The following TTC23 variants were observed in gnomAD, a reference collection of about 807,000 sequenced individuals.
TTC23 encodes tetratricopeptide repeat domain 23.
A neutral mutation model predicts 55.1 loss-of-function variants in TTC23; 58 were observed. The ratio of observed to expected loss-of-function variants is 1.05; its 90% CI spans 0.85 to 1.31. TTC23 has a LOEUF of 1.31. Among genes scored for constraint, TTC23 ranks in the 50% most tolerant of loss-of-function variants. The pLI is 0.00. For missense variants in TTC23, 516 were observed against 534.4 expected (o/e 0.97, Z 0.34); for synonymous variants, 203 against 199.9 (o/e 1.02, Z -0.13).
chr15:99,138,046 CAGGGTGTCCTG>C lies in TTC23; in HGVS notation c.1297_1307del (p.Gln433AlafsTer17). 1 of 1,614,104 alleles carries C rather than the reference CAGGGTGTCCTG, an allele frequency of 6.2e-7. No individual in the cohort carries two copies. The highest frequency in any genetic ancestry group is 1.1e-5 in the South Asian group (1 of 91,082). ...TTGTGCCGGGCCGGGCCTTCCCCAG[CAGGGTGTCCTG>C]AGGGATGCTGGTGCAGAAGGCCACT... is the stretch of plus-strand genomic sequence containing the variant. On this transcript the variant is annotated frameshift_variant, in exon 14 of 14. Transcript: ENST00000394132. LOFTEE classifies it high-confidence loss of function.
At chr15:99,209,191 T>A (rs138785407) in intron 8 of TTC23, among the ~76,000 whole-genome samples, 11 of 152,348 alleles carry the variant, frequency 7.2e-5, no homozygotes, top group Non-Finnish European at 1.5e-4. Flanking sequence ...AAATGCAATT[T>A]CTGGTATTAC....
intron 12 of TTC23, chr15:99,141,052 T>C (rs1466081461): frequency 7.2e-5 from 11 of 152,276 alleles, no homozygotes; most frequent in African/African-American, 2.6e-4. Flanking sequence ...AGGTACCATT[T>C]CACCCACCAG....
intron 10 of TTC23, among the ~76,000 whole-genome samples, chr15:99,162,486 A>G (rs1048803482): frequency 6.6e-6 from 1 of 152,228 alleles, no homozygotes; most frequent in African/African-American, 2.4e-5. Context: ...TAAAAGCCAG[A>G]GAAGTGAGCG....
intron 12 of TTC23, among the ~76,000 whole-genome samples, chr15:99,153,758 G>A (rs1161478364): frequency 6.6e-6 from 1 of 152,016 alleles, no homozygotes; most frequent in Non-Finnish European, 1.5e-5. Context: ...AAATAATAAA[G>A]ATAAAATCAG....
intron 9 of TTC23, among the ~76,000 whole-genome samples, chr15:99,181,142 G>A (rs1167316940): frequency 6.6e-6 from 1 of 152,240 alleles, no homozygotes; most frequent in Non-Finnish European, 1.5e-5. Context: ...CAGCAGAACA[G>A]AGACTCAGAC....
chr15:99,211,387 CA>C (rs546455317), intron 8 of TTC23, among the ~76,000 whole-genome samples: 6 of 149,428 alleles, frequency 4.0e-5, no homozygotes, highest in Admixed American at 6.7e-5. Flanking sequence ...AACAAACAAA[CA>C]AAAAAAAAGA....
chr15:99,245,924 C>A (rs964744601), intron 1 of TTC23, among the ~76,000 whole-genome samples: 2 of 151,508 alleles, frequency 1.3e-5, no homozygotes, highest in Non-Finnish European at 2.9e-5. Flanking sequence ...CCTGACTCAG[C>A]CTCCCTGACT....
chr15:99,159,413 T>C (rs1189603159), intron 11 of TTC23: 1 of 152,256 alleles, frequency 6.6e-6, no homozygotes, highest in Admixed American at 6.5e-5. Context: ...TACTTACAAA[T>C]ATTTGATGAC....
chr15:99,183,837 C>A (rs2074405401), intron 9 of TTC23, among the ~76,000 whole-genome samples: 1 of 152,190 alleles, frequency 6.6e-6, no homozygotes, highest in Non-Finnish European at 1.5e-5. Context: ...GTCTCCAGGG[C>A]ATGCCAGAGA....
intron 9 of TTC23, among the ~76,000 whole-genome samples, chr15:99,196,019 G>A (rs1227800590): frequency 1.3e-5 from 2 of 151,858 alleles, no homozygotes; most frequent in East Asian, 3.9e-4. Context: ...GGGCATGGTG[G>A]CACACGCCTG....
At chr15:99,183,787 C>G (rs1205404848) in intron 9 of TTC23, among the ~76,000 whole-genome samples, 2 of 152,088 alleles carry the variant, frequency 1.3e-5, no homozygotes, top group African/African-American at 2.4e-5. Context: ...GCATAAGTAA[C>G]GAGGAGCTGA....
chr15:99,233,499 C>G (rs2079083419), intron 4 of TTC23, among the ~76,000 whole-genome samples: 1 of 152,138 alleles, frequency 6.6e-6, no homozygotes, highest in African/African-American at 2.4e-5. Flanking sequence ...ACTGTATGAT[C>G]TCACTCAACA....
At position 99,218,573 on chromosome 15, in the gene TTC23, A is replaced by G; in HGVS notation, c.581+15T>C. 1 of 1,614,058 alleles carries G rather than the reference A, an allele frequency of 6.2e-7. No individual in the cohort carries two copies. Among genetic ancestry groups the G allele is most frequent in the Non-Finnish European group, 8.5e-7 (1 of 1,179,986 alleles). ...CCCGCCATCATGTATGCAAAATCCT[A>G]AACTTGAAACTTACTGTGCAAATGA... On this transcript the variant is annotated intron_variant, in intron 8 of 13. Coordinates refer to ENST00000394132, the MANE Select transcript of TTC23 (RefSeq NM_001288615.3).
chr15:99,179,720 A>G (rs1192808769), intron 9 of TTC23, among the ~76,000 whole-genome samples: 1 of 152,212 alleles, frequency 6.6e-6, no homozygotes, highest in African/African-American at 2.4e-5. Context: ...AAAGAGCAGA[A>G]CAGCCGCTCT....
At chr15:99,232,585 T>C (rs2079019981) in intron 4 of TTC23, among the ~76,000 whole-genome samples, 2 of 151,804 alleles carry the variant, frequency 1.3e-5, no homozygotes, top group South Asian at 2.1e-4. Context: ...ATTAGAGAAA[T>C]GCAAATTATA....
chr15:99,175,157 T>C lies in TTC23; in HGVS notation c.760-2A>G. Reference sequence around the variant, plus strand: ...TCTACTCAGGATGATAAGATGTGCCTGTCACCACAGAAAGAAGAAACATGT... The same window carrying C: ...TCTACTCAGGATGATAAGATGTGCCCGTCACCACAGAAAGAAGAAACATGT... On this transcript the variant is annotated splice_acceptor_variant, in intron 9 of 13. Coordinates refer to ENST00000394132, the MANE Select transcript of TTC23 (RefSeq NM_001288615.3). LOFTEE classifies it high-confidence loss of function. 6.2e-7 allele frequency: 1 copy of C among 1,612,156 alleles called. No homozygotes were observed. Among genetic ancestry groups the C allele is most frequent in the Non-Finnish European group, 8.5e-7 (1 of 1,178,354 alleles).
chr15:99,232,813 T>C (rs2079034947), intron 4 of TTC23, among the ~76,000 whole-genome samples: 1 of 152,182 alleles, frequency 6.6e-6, no homozygotes, highest in Non-Finnish European at 1.5e-5. Flanking sequence ...ACAGTATTAG[T>C]ATATTGAAGA....
In TTC23 at chr15:99,163,747, A is replaced by G. The variant is rs571706246; in HGVS notation, c.866-1880T>C. ...GATTAGTGTCCTTATAAAATACACC[A>G]TCAGAGAGTTTCCTCACTCCTTCCA... On this transcript the variant is annotated intron_variant, in intron 10 of 13. Coordinates refer to ENST00000394132, the MANE Select transcript of TTC23 (RefSeq NM_001288615.3). 9.5e-4 allele frequency among the ~76,000 whole-genome samples: 144 copies of G among 152,290 alleles called. 1 individual carries two copies. Among genetic ancestry groups the G allele is most frequent in the African/African-American group, 3.3e-3 (139 of 41,536 alleles).
chr15:99,228,671 A>T lies in TTC23; in HGVS notation c.42T>A (p.Asp14Glu), dbSNP rs769682886. 1.2e-6 allele frequency: 2 copies of T among 1,613,164 alleles called. No individual in the cohort carries two copies. The highest frequency in any genetic ancestry group is 1.7e-6 in the Non-Finnish European group (2 of 1,179,476). The change falls in exon 5 of 14, where the codon GAT becomes GAA. Residue 14 changes from aspartate (D) to glutamate (E), a missense_variant. Coordinates refer to ENST00000394132, the MANE Select transcript of TTC23 (RefSeq NM_001288615.3). Reference sequence around the variant, plus strand: ...TGATGCTAACAGCAGCAACAACTTCATCTAGGTGGTTGGATATGTGGGTTT... The same window carrying T: ...TGATGCTAACAGCAGCAACAACTTCTTCTAGGTGGTTGGATATGTGGGTTT... Reference protein sequence around the residue: ...SQETHISNHLDEVVAAVSITH... With the variant: ...SQETHISNHLEEVVAAVSITH...
Sources: allele counts gnomAD v4.1 joint callset (sites outside exome capture counted in the v4.1 genomes callset), GRCh38; gene constraint gnomAD v4.1.1; transcripts MANE v1.5; gene names NCBI Gene and HGNC (gene_info 2026-07-23, HGNC 2026-07-21).